MRPL27: variants seen among roughly 807,000 people sequenced by gnomAD.
MRPL27 encodes the protein mitochondrial ribosomal protein L27.
Under a neutral mutation model 14.6 loss-of-function variants are expected in MRPL27, and 4 were observed. The ratio of observed to expected loss-of-function variants is 0.27; its 90% CI spans 0.14 to 0.63. The LOEUF is 0.63. Ranked by LOEUF, MRPL27 falls within the 20% of genes least tolerant of loss-of-function variation. MRPL27 has a pLI of 0.85. For missense variants in MRPL27, 196 were observed against 192.8 expected (o/e 1.02, Z -0.10); for synonymous variants, 82 against 75.5 (o/e 1.09, Z -0.45).
rs1439304190 is a variant in MRPL27, at chr17:50,368,158, G to A, written c.381C>T (p.Tyr127=). 11 of 1,614,214 alleles carry A rather than the reference G, an allele frequency of 6.8e-6. No homozygotes were observed. In the Admixed American group the frequency reaches 1.3e-4, roughly 20 times the overall value. ...ITRLPKGAVL[Y]KTFVHVVPAK... is the part of the protein sequence containing the mutation. ...CAGGAACCACGTGGACAAAAGTCTT[G>A]TAGAGCACAGCACCCTTGGGCAGCC... is the stretch of plus-strand genomic sequence containing the variant. Residue 127 remains tyrosine (Y), a synonymous_variant, in exon 4 of 4, where the codon TAC becomes TAT. Transcript: ENST00000225969.
chr17:50,372,890 G>C, intron 1 of MRPL27: 1 of 579,564 alleles, frequency 1.7e-6, no homozygotes, highest in Non-Finnish European at 3.0e-6. Flanking sequence ...CAACCGCCAA[G>C]GAACCCGTCC....
chr17:50,370,437 GC>G lies in MRPL27; in HGVS notation c.172+17del, dbSNP rs1455299913. Reference sequence around the variant, plus strand: ...GACAGGGTGCAGCTAGGAAGGGGAAGCCAAGGCACATCCTCACCTTCCATTT... The same window carrying G: ...GACAGGGTGCAGCTAGGAAGGGGAAGCAAGGCACATCCTCACCTTCCATTT... On this transcript the variant is annotated intron_variant, in intron 2 of 3. Transcript: ENST00000225969. 2 of 1,613,982 alleles carry G rather than the reference GC, an allele frequency of 1.2e-6. No homozygotes were observed. The highest frequency in any genetic ancestry group is 1.7e-6 in the Non-Finnish European group (2 of 1,180,022).
chr17:50,370,281 G>T, intron 2 of MRPL27, 174 bp downstream of exon 2: 1 of 1,190,928 alleles, frequency 8.4e-7, no homozygotes, highest in Non-Finnish European at 1.2e-6. Context: ...CATGGTTATG[G>T]CTCACACCCA....
chr17:50,367,985 A>C lies in MRPL27; in HGVS notation c.*107T>G. 5 of 1,211,534 alleles carry C rather than the reference A, an allele frequency of 4.1e-6. No homozygotes were observed. The South Asian group carries it at 7.1e-5, about 17-fold the overall frequency. 75.0% of individuals were successfully genotyped at this position (1,211,534 alleles called of 1,614,324 possible). ...GTCTCCTGCAGAGTCACCATCAAGC[A>C]GACCTCTTCCTCGGGAGGCCGTGTC... On this transcript the variant is annotated 3_prime_UTR_variant, in exon 4 of 4. Transcript: ENST00000225969.
chr17:50,371,242 T>C (rs1913122826), intron 1 of MRPL27: 1 of 152,298 alleles, frequency 6.6e-6, no homozygotes, highest in South Asian at 2.1e-4. Flanking sequence ...GATCCCAAAG[T>C]GTTGGGATTA....
Position 50,373,160 on chromosome 17 carries a change from A to G in MRPL27, c.11T>C (p.Val4Ala). The G allele has an allele frequency of 1.2e-6, 2 of 1,612,172 alleles. No individual in the cohort carries two copies. Among genetic ancestry groups the G allele is most frequent in the Non-Finnish European group, 1.7e-6 (2 of 1,178,762 alleles). MAS[V>A]VLALRTRTAV... ...TGTCCGGGTCCTCAGCGCCAACACC[A>G]CCGACGCCATGCTTTCGATCACTCA... The change falls in exon 1 of 4, where the codon GTG becomes GCG. Residue 4 changes from valine to alanine, a missense_variant. Val to Ala is a moderately conservative substitution (Grantham distance 64). Transcript: ENST00000225969.
At chr17:50,372,678 C>A (rs914325144) in intron 1 of MRPL27, among the ~76,000 whole-genome samples, 1 of 152,224 alleles carries the variant, frequency 6.6e-6, no homozygotes, top group African/African-American at 2.4e-5. Context: ...TTTATATGTT[C>A]ATTTATTGCC....
intron 2 of MRPL27, 162 bp downstream of exon 2, chr17:50,370,293 C>T: frequency 1.6e-6 from 2 of 1,251,534 alleles, no homozygotes; most frequent in Middle Eastern, 2.8e-4. Context: ...TCACACCCAC[C>T]CACTCGATGA....
intron 1 of MRPL27, among the ~76,000 whole-genome samples, chr17:50,372,191 G>A (rs554551473): frequency 6.9e-6 from 1 of 145,728 alleles, no homozygotes; most frequent in Non-Finnish European, 1.5e-5. Flanking sequence ...TGTAAAACTG[G>A]CTCAAGTCAC....
intron 3 of MRPL27, chr17:50,368,778 A>G: frequency 2.9e-6 from 2 of 691,244 alleles, no homozygotes; most frequent in Non-Finnish European, 5.3e-6. Context: ...CAATCATACT[A>G]CTGCATTAGC....
intron 2 of MRPL27, 132 bp downstream of exon 2, chr17:50,370,323 C>A: frequency 6.9e-7 from 1 of 1,447,100 alleles, no homozygotes; most frequent in Non-Finnish European, 9.5e-7. Flanking sequence ...AGGTCTTATC[C>A]GTTCCTTTAA....
chr17:50,371,636 TG>T (rs1402384025), intron 1 of MRPL27, among the ~76,000 whole-genome samples: 1 of 152,220 alleles, frequency 6.6e-6, no homozygotes, highest in Non-Finnish European at 1.5e-5. Flanking sequence ...TGTGGGTCTC[TG>T]GAGCCTATAA....
At chr17:50,372,363 A>G (rs914292252) in intron 1 of MRPL27, among the ~76,000 whole-genome samples, 1 of 151,926 alleles carries the variant, frequency 6.6e-6, no homozygotes, top group Non-Finnish European at 1.5e-5. Context: ...CTCCCACCTC[A>G]GCCTCCTGAG....
At chr17:50,372,473 G>A (rs1383321617) in intron 1 of MRPL27, among the ~76,000 whole-genome samples, 1 of 152,152 alleles carries the variant, frequency 6.6e-6, no homozygotes, top group African/African-American at 2.4e-5. Context: ...TTGAACTCCT[G>A]GGCTCAAGCG....
intron 1 of MRPL27, among the ~76,000 whole-genome samples, chr17:50,371,453 T>A (rs1285513880): frequency 6.6e-6 from 1 of 152,224 alleles, no homozygotes; most frequent in Admixed American, 6.5e-5. Context: ...GACCTCTCCA[T>A]ACTCATTCCA....
At chr17:50,371,941 CAG>C (rs1174648619) in intron 1 of MRPL27, among the ~76,000 whole-genome samples, 1 of 152,204 alleles carries the variant, frequency 6.6e-6, no homozygotes, top group Admixed American at 6.5e-5. Context: ...AGGCAGAAAC[CAG>C]AGTCATTGCA....
At chr17:50,372,675 G>A (rs988965952) in intron 1 of MRPL27, among the ~76,000 whole-genome samples, 2 of 152,134 alleles carry the variant, frequency 1.3e-5, no homozygotes, top group African/African-American at 4.8e-5. Context: ...TACTTTATAT[G>A]TTCATTTATT....
At position 50,373,152 on chromosome 17, in the gene MRPL27, C is replaced by A. The variant is rs374090666; in HGVS notation, c.19G>T (p.Ala7Ser). Residue 7 changes from alanine to serine, a missense_variant, in exon 1 of 4, where the codon GCG (alanine) becomes TCG (serine). By Grantham distance (99) the Ala-to-Ser change is moderately conservative. Coordinates refer to ENST00000225969, the MANE Select transcript of MRPL27 (RefSeq NM_016504.3). ...TTACCGGCTGTCCGGGTCCTCAGCGCCAACACCACCGACGCCATGCTTTCG... is the reference window on the plus strand; with the variant it reads ...TTACCGGCTGTCCGGGTCCTCAGCGACAACACCACCGACGCCATGCTTTCG... MASVVL[A>S]LRTRTAVTSL... 4.1e-5 allele frequency: 66 copies of A among 1,613,604 alleles called. 1 individual carries two copies. In the South Asian group the frequency reaches 4.7e-4, roughly 12 times the overall value.
intron 3 of MRPL27, 148 bp from the exon 4 acceptor site, chr17:50,368,446 T>C (rs1913027728): frequency 1.3e-6 from 1 of 757,630 alleles, no homozygotes; most frequent in East Asian, 2.7e-5. Context: ...TCCCACTGGC[T>C]AGCACGTCCA....
Sources: gnomAD v4.1 joint callset for allele counts (sites outside exome capture counted in the v4.1 genomes callset) on GRCh38, gnomAD v4.1.1 for gene constraint, MANE v1.5 for transcripts, NCBI Gene and HGNC (gene_info 2026-07-23, HGNC 2026-07-21) for gene names.